RAP1GAP: variants seen among roughly 807,000 people sequenced by gnomAD.
RAP1GAP encodes the protein rap1 GTPase-activating protein 1.
Under a neutral mutation model 87.2 loss-of-function variants are expected in RAP1GAP, and 35 were observed. The ratio of observed to expected loss-of-function variants is 0.40; its 90% CI spans 0.31 to 0.53. RAP1GAP has a LOEUF of 0.53. Ranked by LOEUF, RAP1GAP falls within the 20% of genes least tolerant of loss-of-function variation. RAP1GAP has a pLI of 0.48. For synonymous variants in RAP1GAP, 375 were observed against 363.9 expected (o/e 1.03, Z -0.35); for missense variants, 734 against 898.9 (o/e 0.82, Z 2.35).
At chr1:21,645,673 C>T (rs1482361780) in intron 2 of RAP1GAP, among the ~76,000 whole-genome samples, 2 of 152,264 alleles carry the variant, frequency 1.3e-5, no homozygotes, top group East Asian at 1.9e-4. Flanking sequence ...GGTATAGTGG[C>T]GGCCATGGGC....
chr1:21,656,236 G>A (rs2096852847), intron 1 of RAP1GAP, among the ~76,000 whole-genome samples: 1 of 151,956 alleles, frequency 6.6e-6, no homozygotes. Flanking sequence ...TTCGAGATCA[G>A]CCTGATCAAC....
chr1:21,642,106 A>G (rs2095578950), intron 2 of RAP1GAP, among the ~76,000 whole-genome samples: 1 of 152,226 alleles, frequency 6.6e-6, no homozygotes, highest in African/African-American at 2.4e-5. Context: ...AGGACCTGGC[A>G]CCAGGCCCAT....
intron 1 of RAP1GAP, among the ~76,000 whole-genome samples, chr1:21,661,861 C>T (rs926942258): frequency 2.0e-5 from 3 of 152,198 alleles, no homozygotes; most frequent in African/African-American, 7.2e-5. Flanking sequence ...ATAATGAGGC[C>T]CCTCCAAGGG....
At position 21,597,692 on chromosome 1, in the gene RAP1GAP, A is replaced by T; in HGVS notation, c.*28T>A. The T allele has an allele frequency of 6.2e-7, 1 of 1,610,988 alleles. No homozygotes were observed. The highest frequency in any genetic ancestry group is 8.5e-7 in the Non-Finnish European group (1 of 1,177,634). ...CTGAGGGGCTGGGTCTAACCTGCTC[A>T]GTTTCACCTTCAGAGGGGGTGGCCC... On this transcript the variant is annotated 3_prime_UTR_variant, in exon 24 of 25. Transcript: ENST00000374765.
At chr1:21,618,934 A>C in intron 5 of RAP1GAP, 91 bp downstream of exon 5, 1 of 1,377,626 alleles carries the variant, frequency 7.3e-7, no homozygotes, top group Non-Finnish European at 1.0e-6. Flanking sequence ...CTGAAAGGGG[A>C]TGGATTTCCT....
rs144671830 is a variant in RAP1GAP at position 21,617,967 on chromosome 1, C to T, written c.72G>A (p.Glu24=). The change falls in exon 6 of 25, where the codon GAG becomes GAA. Residue 24 remains glutamate (E), a synonymous_variant. Coordinates refer to ENST00000374765, the MANE Select transcript of RAP1GAP (RefSeq NM_002885.4). ...CGCTCGGGTATGGAATGTAGTCCTC[C>T]TCTGTCTGCAAAACACAAACAGGGC... ...RCSFPPPLKT[E]EDYIPYPSVH... is the part of the protein sequence containing the mutation. 1.9e-6 allele frequency: 3 copies of T among 1,614,152 alleles called. No homozygotes were observed. The East Asian group carries it at 6.7e-5, about 36-fold the overall frequency.
chr1:21,650,388 C>A (rs1221596911), intron 1 of RAP1GAP, among the ~76,000 whole-genome samples: 1 of 152,066 alleles, frequency 6.6e-6, no homozygotes, highest in Non-Finnish European at 1.5e-5. Flanking sequence ...CAGACTTTGT[C>A]TCCCCCAAAT....
chr1:21,656,395 G>A (rs2096858534), intron 1 of RAP1GAP, among the ~76,000 whole-genome samples: 1 of 146,626 alleles, frequency 6.8e-6, no homozygotes, highest in East Asian at 2.0e-4. Context: ...CTGCAGCCTG[G>A]GTGACATAGC....
At chr1:21,660,107 T>G (rs2097060645) in intron 1 of RAP1GAP, among the ~76,000 whole-genome samples, 1 of 151,168 alleles carries the variant, frequency 6.6e-6, no homozygotes, top group Non-Finnish European at 1.5e-5. Context: ...AGCCTCAAGA[T>G]CTCTCACAGA....
chr1:21,618,344 G>C (rs957558268), intron 5 of RAP1GAP, among the ~76,000 whole-genome samples: 10 of 152,164 alleles, frequency 6.6e-5, no homozygotes, highest in Non-Finnish European at 1.0e-4. Context: ...GCCCCAAAGA[G>C]AGCATCAGGC....
chr1:21,599,536 C>G lies in RAP1GAP; in HGVS notation c.1734G>C (p.Val578=), dbSNP rs1175300235. 18 of 1,609,720 alleles carry G rather than the reference C, an allele frequency of 1.1e-5. No homozygotes were observed. Among genetic ancestry groups the G allele is most frequent in the Non-Finnish European group, 1.4e-5 (17 of 1,180,000 alleles). The change falls in exon 21 of 25, where the codon GTG becomes GTC. Residue 578 remains valine, a synonymous_variant. Transcript: ENST00000374765. The part of the protein sequence containing the change: ...SSSSASSFAS[V]VEETEGVDGE... ...CGTCCACACCCTCCGTCTCCTCCAC[C>G]ACGCTGGCGAAGCTGCTGGCACTGG... is the stretch of plus-strand genomic sequence containing the variant.
At position 21,598,056 on chromosome 1, in the gene RAP1GAP, G is replaced by A. The variant is rs1214209166; in HGVS notation, c.1888C>T (p.Arg630Ter). ...TSGGSSPGPS[R>*]SPHPDAGKLG... ...TTGCCGGCGTCTGGGTGGGGTGATC[G>A]AGAGGGGCCTGGGGAGGGGGGCAGG... Residue 630 changes from arginine to a stop codon, truncating the protein, a stop_gained, in exon 23 of 25, where the codon CGA (arginine) becomes TGA (stop). Transcript: ENST00000374765. LOFTEE classifies it high-confidence loss of function. The A allele has an allele frequency of 6.4e-7, 1 of 1,559,014 alleles. No homozygotes were observed. Among genetic ancestry groups the A allele is most frequent in the Non-Finnish European group, 8.7e-7 (1 of 1,150,440 alleles).
intron 3 of RAP1GAP, among the ~76,000 whole-genome samples, chr1:21,625,272 T>C (rs2150200404): frequency 6.6e-6 from 1 of 152,346 alleles, no homozygotes; most frequent in South Asian, 2.1e-4. Flanking sequence ...TTGCCTCTGC[T>C]ATTTTCTGGC....
intron 2 of RAP1GAP, among the ~76,000 whole-genome samples, chr1:21,643,745 T>C (rs2151562490): frequency 6.6e-6 from 1 of 152,322 alleles, no homozygotes; most frequent in South Asian, 2.1e-4. Flanking sequence ...GCATACACTC[T>C]GCACTCATTT....
At position 21,634,548 on chromosome 1, in the gene RAP1GAP, T is replaced by C. The variant is rs1276365714; in HGVS notation, c.-112-8151A>G. The stretch of plus-strand genomic sequence containing the variant: ...CCCCCTGGGGGTGTGGGTGGGAGAC[T>C]CAGGCCCCAAGCTGGGCAGAGGGAT... On this transcript the variant is annotated intron_variant, in intron 2 of 24. Coordinates refer to ENST00000374765, the MANE Select transcript of RAP1GAP (RefSeq NM_002885.4). This position sits in a 1 kb window ranked among gnomAD's most constrained non-coding sequence, Gnocchi z 4.1. Among the ~76,000 whole-genome samples, 1 of 152,118 alleles carries C rather than the reference T, an allele frequency of 6.6e-6. No individual in the cohort carries two copies. Among genetic ancestry groups the C allele is most frequent in the East Asian group, 1.9e-4 (1 of 5,182 alleles).
chr1:21,644,919 A>AAT (rs1302063080), intron 2 of RAP1GAP, among the ~76,000 whole-genome samples: 2 of 144,330 alleles, frequency 1.4e-5, no homozygotes, highest in African/African-American at 2.6e-5. Flanking sequence ...AAAAAAAAAA[A>AAT]AGAGAAAAGA....
chr1:21,662,589 G>C (rs1483982447), intron 1 of RAP1GAP, among the ~76,000 whole-genome samples: 1 of 152,122 alleles, frequency 6.6e-6, no homozygotes, highest in African/African-American at 2.4e-5. Flanking sequence ...GGAAGCTTTA[G>C]GGCCTGGAAG....
chr1:21,656,417 TAAAAAAAAAAAAAAAAAAA>T (rs71661339), intron 1 of RAP1GAP, among the ~76,000 whole-genome samples: 3 of 96,178 alleles, frequency 3.1e-5, no homozygotes, highest in African/African-American at 1.3e-4. Flanking sequence ...AGACTCCATC[TAAAAAAAAAAAAAAAAAAA>T]AAAAAAAAAA....
chr1:21,604,642 T>C (rs955016855), intron 18 of RAP1GAP, among the ~76,000 whole-genome samples: 4 of 151,628 alleles, frequency 2.6e-5, no homozygotes, highest in African/African-American at 4.8e-5. Context: ...TTGGGGGAGG[T>C]TGGGCCTGCT....
Sources: allele counts gnomAD v4.1 joint callset (sites outside exome capture counted in the v4.1 genomes callset), GRCh38; gene constraint gnomAD v4.1.1; non-coding constraint Gnocchi (gnomAD v3.1); transcripts MANE v1.5; gene names NCBI Gene and HGNC (gene_info 2026-07-23, HGNC 2026-07-21).